The following EXOC6 variants were observed in gnomAD, a reference collection of about 807,000 sequenced individuals.
EXOC6 encodes the protein SEC15-like 1.
A neutral mutation model predicts 112.5 loss-of-function variants in EXOC6; 60 were observed. That is an observed-to-expected ratio of 0.53 (90% CI 0.43 to 0.66). EXOC6 has a LOEUF of 0.66. Among genes scored for constraint, EXOC6 ranks in the 30% least tolerant of loss-of-function variants. The pLI is 0.00. For synonymous variants in EXOC6, 295 were observed against 308.0 expected (o/e 0.96, Z 0.44); for missense variants, 855 against 957.1 (o/e 0.89, Z 1.41).
upstream of EXOC6, among the ~76,000 whole-genome samples, chr10:92,829,783 A>G (rs1846443444): frequency 1.3e-5 from 2 of 152,242 alleles, no homozygotes; most frequent in Admixed American, 6.5e-5. Flanking sequence ...CTGATAAAAC[A>G]GACTGTGGTG....
At chr10:92,834,666 T>G (rs758709237), upstream of EXOC6, 2 of 1,235,918 alleles carry the variant, frequency 1.6e-6, no homozygotes, top group Non-Finnish European at 2.3e-6. Flanking sequence ...GGTATTTTTT[T>G]TTTTATAAAT....
At chr10:92,844,468 G>A (rs1846981814), upstream of EXOC6, among the ~76,000 whole-genome samples, 1 of 152,116 alleles carries the variant, frequency 6.6e-6, no homozygotes, top group African/African-American at 2.4e-5. Context: ...AATGGGTCTG[G>A]AACCAAGAAT....
rs150993238 is a variant in EXOC6 at position 93,040,121 on chromosome 10, C to T, written c.2170-16803C>T. 1.2e-3 allele frequency among the ~76,000 whole-genome samples: 177 copies of T among 152,322 alleles called. 2 individuals carry two copies. Among genetic ancestry groups the T allele is most frequent in the Middle Eastern group, 6.8e-3 (2 of 294 alleles). On this transcript the variant is annotated intron_variant, in intron 20 of 21. Coordinates refer to ENST00000260762, the MANE Select transcript of EXOC6 (RefSeq NM_019053.6). ...TTATCTATATCCACACCCATTCTTCCTGTCCTTCATTCTCAGGTGTTAGGA... is the reference window on the plus strand; with the variant it reads ...TTATCTATATCCACACCCATTCTTCTTGTCCTTCATTCTCAGGTGTTAGGA...
chr10:92,974,523 A>T (rs1035901309), intron 18 of EXOC6, among the ~76,000 whole-genome samples: 2 of 43,584 alleles, frequency 4.6e-5, no homozygotes, highest in African/African-American at 3.2e-4. Context: ...AATAATTTAC[A>T]TAGAGTTAAC....
At chr10:92,851,820 C>T (rs1847360668) in intron 1 of EXOC6, among the ~76,000 whole-genome samples, 1 of 151,290 alleles carries the variant, frequency 6.6e-6, no homozygotes, top group African/African-American at 2.4e-5. Flanking sequence ...CCTGTAATCC[C>T]AGCACTTTGG....
chr10:92,868,044 T>C (rs935321308), intron 1 of EXOC6, among the ~76,000 whole-genome samples: 1 of 152,198 alleles, frequency 6.6e-6, no homozygotes, highest in Non-Finnish European at 1.5e-5. Flanking sequence ...ACTGTAGTTA[T>C]ACTTTTATTT....
intron 20 of EXOC6, among the ~76,000 whole-genome samples, chr10:93,047,246 T>C (rs1054037131): frequency 1.3e-5 from 2 of 152,028 alleles, no homozygotes; most frequent in South Asian, 2.1e-4. Context: ...GGATGGAAAG[T>C]TGGGAGAGGG....
At chr10:92,852,632 A>T (rs1187442203) in intron 1 of EXOC6, among the ~76,000 whole-genome samples, 2 of 152,222 alleles carry the variant, frequency 1.3e-5, no homozygotes, top group African/African-American at 4.8e-5. Context: ...ACATTTGAAA[A>T]ATCAATGTAA....
At chr10:92,956,203 A>G (rs1378642637) in intron 17 of EXOC6, among the ~76,000 whole-genome samples, 1 of 152,116 alleles carries the variant, frequency 6.6e-6, no homozygotes, top group Non-Finnish European at 1.5e-5. Context: ...CTGAGGATTA[A>G]TTAATGGTTG....
chr10:92,987,705 A>C (rs1328040631), intron 18 of EXOC6: 2 of 788,182 alleles, frequency 2.5e-6, no homozygotes, highest in Admixed American at 6.3e-5. Flanking sequence ...CTGCAGGCTT[A>C]TTTTTCTCTG....
chr10:92,936,076 C>A lies in EXOC6; in HGVS notation c.1212+191C>A, dbSNP rs556747167. 2.6e-5 allele frequency among the ~76,000 whole-genome samples: 4 copies of A among 152,220 alleles called. No individual in the cohort carries two copies. The South Asian group carries it at 8.3e-4, about 32-fold the overall frequency. ...TTCCTTTTCAATTATGAAGCTTAGA[C>A]AGAACTCAGGGATGCTACCATCTTT... On this transcript the variant is annotated intron_variant, in intron 12 of 21. Transcript: ENST00000260762.
chr10:92,866,073 C>T (rs969513350), intron 1 of EXOC6, among the ~76,000 whole-genome samples: 1 of 151,952 alleles, frequency 6.6e-6, no homozygotes, highest in African/African-American at 2.4e-5. Flanking sequence ...ATAGTTCAAA[C>T]CTGTGTTGTT....
At chr10:92,883,277 G>T (rs1410869388) in intron 1 of EXOC6, among the ~76,000 whole-genome samples, 1 of 152,170 alleles carries the variant, frequency 6.6e-6, no homozygotes, top group African/African-American at 2.4e-5. Flanking sequence ...ATGTGTATTG[G>T]ATAGGATGAT....
intron 18 of EXOC6, among the ~76,000 whole-genome samples, chr10:92,994,335 G>A (rs1482436381): frequency 1.3e-5 from 2 of 152,078 alleles, no homozygotes; most frequent in Non-Finnish European, 2.9e-5. Context: ...AAAGCTTTTC[G>A]GTAATGCAAA....
chr10:92,906,312 T>A (rs1173936095), intron 5 of EXOC6, among the ~76,000 whole-genome samples: 1 of 152,168 alleles, frequency 6.6e-6, no homozygotes, highest in East Asian at 1.9e-4. Flanking sequence ...TACTTTTTCA[T>A]GTATCTTGTA....
At chr10:92,848,448 C>CCCCCCCCCCG, upstream of EXOC6, 1 of 1,033,840 alleles carries the variant, frequency 9.7e-7, no homozygotes, top group Non-Finnish European at 1.2e-6. Context: ...GCCCCCGCCC[C>CCCCCCCCCCG]GCCCCTTCGC....
intron 4 of EXOC6, among the ~76,000 whole-genome samples, chr10:92,896,234 A>G (rs866808746): frequency 8.9e-5 from 9 of 101,122 alleles, no homozygotes; most frequent in South Asian, 7.2e-4. Flanking sequence ...GTCTCACTCT[A>G]TCTCCCAGGC....
At chr10:92,902,181 T>C (rs569100350) in intron 5 of EXOC6, among the ~76,000 whole-genome samples, 24 of 152,328 alleles carry the variant, frequency 1.6e-4, no homozygotes, top group African/African-American at 5.1e-4. Context: ...TATCATTTCC[T>C]GATGATGTCC....
chr10:93,054,340 G>A (rs1172454836), intron 20 of EXOC6, among the ~76,000 whole-genome samples: 1 of 152,140 alleles, frequency 6.6e-6, no homozygotes. Flanking sequence ...TGGCTTTTTT[G>A]TCTGCTTTGG....
Sources: allele counts gnomAD v4.1 joint callset (sites outside exome capture counted in the v4.1 genomes callset), GRCh38; gene constraint gnomAD v4.1.1; transcripts MANE v1.5; gene names NCBI Gene and HGNC (gene_info 2026-07-23, HGNC 2026-07-21).